FMN2: variants seen among roughly 807,000 people sequenced by gnomAD.
FMN2 encodes the protein formin 2.
FMN2 carries 51 observed loss-of-function variants against 142.3 expected under a neutral mutation model. The ratio of observed to expected loss-of-function variants is 0.36; its 90% confidence interval spans 0.29 to 0.45. The LOEUF (loss-of-function observed/expected upper bound fraction) is 0.45. Among genes scored for constraint, FMN2 ranks in the 20% least tolerant of loss-of-function variants. FMN2 has a pLI of 1.00. For missense variants in FMN2, 1,936 were observed against 2,122.8 expected (o/e 0.91, Z 1.73); for synonymous variants, 882 against 869.8 (o/e 1.01, Z -0.25).
chr1:240,369,646 A>G (rs1009603301), intron 14 of FMN2, among the ~76,000 whole-genome samples: 1 of 152,150 alleles, frequency 6.6e-6, no homozygotes, highest in South Asian at 2.1e-4. Context: ...TCTAGGTTCA[A>G]AGTAAATTCC....
intron 2 of FMN2, chr1:240,170,175 G>A: frequency 9.7e-7 from 1 of 1,031,366 alleles, no homozygotes; most frequent in Non-Finnish European, 1.5e-6. Context: ...TGGACATGGT[G>A]AACCAGGTTA....
intron 13 of FMN2, among the ~76,000 whole-genome samples, chr1:240,350,386 A>G (rs1415493271): frequency 6.6e-6 from 1 of 152,194 alleles, no homozygotes; most frequent in African/African-American, 2.4e-5. Context: ...GCATCATTGA[A>G]AGCACTTTCT....
intron 2 of FMN2, chr1:240,170,309 C>A: frequency 9.2e-7 from 1 of 1,082,376 alleles, no homozygotes; most frequent in Non-Finnish European, 1.4e-6. Context: ...GTTTGCCATA[C>A]CAATGCCTAT....
chr1:240,092,173 G>T lies in FMN2; in HGVS notation c.64G>T (p.Gly22Cys), dbSNP rs1214141313. 1 of 1,578,518 alleles carries T rather than the reference G, an allele frequency of 6.3e-7. No individual in the cohort carries two copies. The change falls in exon 1 of 18, where the codon GGC (glycine) becomes TGC (cysteine). Residue 22 changes from glycine to cysteine, a missense_variant. This residue lies in a region of FMN2 where 751 missense variants were observed against 791.8 expected (regional missense o/e 0.95). Coordinates refer to ENST00000319653, the MANE Select transcript of FMN2 (RefSeq NM_020066.5). ...AGDALHEGGG[G>C]AEDALGPRDV... Reference sequence around the variant, plus strand: ...TGATGCTTTGCACGAAGGCGGCGGTGGCGCCGAGGATGCGCTGGGGCCCAG... The same window carrying T: ...TGATGCTTTGCACGAAGGCGGCGGTTGCGCCGAGGATGCGCTGGGGCCCAG...
At chr1:240,270,314 G>A (rs1447772133) in intron 7 of FMN2, among the ~76,000 whole-genome samples, 1 of 152,104 alleles carries the variant, frequency 6.6e-6, no homozygotes, top group Non-Finnish European at 1.5e-5. Context: ...TATAGCCATT[G>A]TGGAAAACAG....
chr1:240,098,984 G>T (rs1192529202), intron 1 of FMN2, among the ~76,000 whole-genome samples: 1 of 152,096 alleles, frequency 6.6e-6, no homozygotes, highest in East Asian at 1.9e-4. Flanking sequence ...GTTTATTCTA[G>T]GTATATTTGC....
chr1:240,287,423 C>A (rs1669627024), intron 7 of FMN2, among the ~76,000 whole-genome samples: 1 of 152,174 alleles, frequency 6.6e-6, no homozygotes, highest in Non-Finnish European at 1.5e-5. Flanking sequence ...TTATACTCTG[C>A]CAGTGAAAAG....
intron 16 of FMN2, among the ~76,000 whole-genome samples, chr1:240,470,223 A>C (rs1359961612): frequency 6.6e-6 from 1 of 151,878 alleles, no homozygotes; most frequent in Non-Finnish European, 1.5e-5. Context: ...AAAAAAAAAA[A>C]CAGTTTCCTT....
intron 8 of FMN2, among the ~76,000 whole-genome samples, chr1:240,304,786 T>C (rs6679958): frequency 0.36 from 55,420 of 152,090 alleles, 10,463 homozygotes; most frequent in African/African-American, 0.45. Context: ...CTGCAGGCTG[T>C]GTGCAGGTTG....
intron 2 of FMN2, among the ~76,000 whole-genome samples, chr1:240,133,521 C>T (rs1662823143): frequency 6.6e-6 from 1 of 152,140 alleles, no homozygotes; most frequent in African/African-American, 2.4e-5. Context: ...TTCTTTGGAT[C>T]TCCATGGTCT....
At chr1:240,189,123 GT>G (rs796591910) in intron 4 of FMN2, among the ~76,000 whole-genome samples, 2 of 149,008 alleles carry the variant, frequency 1.3e-5, no homozygotes, top group African/African-American at 5.0e-5. Flanking sequence ...AATTTTGTGG[GT>G]TTTTTTTTCT....
intron 6 of FMN2, among the ~76,000 whole-genome samples, chr1:240,220,856 TC>T (rs1667085233): frequency 6.6e-6 from 1 of 152,086 alleles, no homozygotes; most frequent in African/African-American, 2.4e-5. Context: ...CCTAATGCTA[TC>T]CCTCCTCCAG....
In FMN2 at chr1:240,473,944, T is replaced by C. The variant is rs369506324; in HGVS notation, c.5143-184T>C. 1.4e-4 allele frequency among the ~76,000 whole-genome samples: 19 copies of C among 140,054 alleles called. No individual in the cohort carries two copies. In the East Asian group the frequency reaches 3.4e-3, roughly 25 times the overall value. The allele number at this position is 140,054 out of a possible 152,430, so 91.9% of individuals were successfully genotyped here. ...AAAAGTATTTGGCGATTTGTCTTGA[T>C]AAAAGTGCTCAAAGATAACACAGAT... On this transcript the variant is annotated intron_variant, in intron 17 of 17. Transcript: ENST00000319653. This position sits in a 1 kb window ranked among gnomAD's most constrained non-coding sequence, Gnocchi z 4.3.
intron 11 of FMN2, among the ~76,000 whole-genome samples, chr1:240,331,351 C>T (rs1671374507): frequency 6.6e-6 from 1 of 152,002 alleles, no homozygotes; most frequent in African/African-American, 2.4e-5. Flanking sequence ...AAATTAATGT[C>T]TAAGCAATTG....
chr1:240,204,038 A>G (rs1666232477), intron 4 of FMN2, among the ~76,000 whole-genome samples: 1 of 152,178 alleles, frequency 6.6e-6, no homozygotes, highest in Non-Finnish European at 1.5e-5. Context: ...TAACATATAA[A>G]TTCTCAAAAA....
At chr1:240,438,714 TA>T (rs1443657971) in intron 16 of FMN2, among the ~76,000 whole-genome samples, 1 of 152,192 alleles carries the variant, frequency 6.6e-6, no homozygotes, top group Non-Finnish European at 1.5e-5. Context: ...TGATACCTTC[TA>T]AAATAAATCT....
chr1:240,225,422 A>G (rs1353717917), intron 6 of FMN2, among the ~76,000 whole-genome samples: 2 of 152,226 alleles, frequency 1.3e-5, no homozygotes, highest in Non-Finnish European at 2.9e-5. Flanking sequence ...GGGGTGACCC[A>G]TAGGTAGCCA....
At chr1:240,236,107 C>G (rs1320865896) in intron 6 of FMN2, among the ~76,000 whole-genome samples, 2 of 152,228 alleles carry the variant, frequency 1.3e-5, no homozygotes, top group Middle Eastern at 3.4e-3. Flanking sequence ...CAAATTTACT[C>G]CATGCATGAT....
chr1:240,106,210 GACACCTTC>G (rs1661601380), intron 1 of FMN2, among the ~76,000 whole-genome samples: 1 of 151,998 alleles, frequency 6.6e-6, no homozygotes, highest in Admixed American at 6.6e-5. Context: ...ATGCCTTTTA[GACACCTTC>G]ATATGATCTT....
Sources: allele counts gnomAD v4.1 joint callset (sites outside exome capture counted in the v4.1 genomes callset), GRCh38; gene constraint gnomAD v4.1.1; regional missense constraint gnomAD v4.1.1; non-coding constraint Gnocchi (gnomAD v3.1); transcripts MANE v1.5; gene names NCBI Gene and HGNC (gene_info 2026-07-23, HGNC 2026-07-21).